TBX10: variants seen among roughly 807,000 people sequenced by gnomAD.
TBX10 encodes the protein T-box transcription factor TBX10.
TBX10 carries 26 observed loss-of-function variants against 32.4 expected under a neutral mutation model. The ratio of observed to expected loss-of-function variants is 0.80; its 90% CI spans 0.59 to 1.11. TBX10 has a LOEUF of 1.11. Ranked by LOEUF, TBX10 falls within the 50% of genes most tolerant of loss-of-function variation. The probability of loss-of-function intolerance (pLI) is 0.00; values close to 1 mark genes in which losing one functional copy is unlikely to be tolerated. For synonymous variants in TBX10, 195 were observed against 203.1 expected, an observed-to-expected ratio of 0.96 and a Z score of 0.34; for missense variants, 490 against 494.5, an observed-to-expected ratio of 0.99 and a Z score of 0.09.
At chr11:67,634,124 G>A in intron 4 of TBX10, 65 bp downstream of exon 4, 2 of 1,599,456 alleles carry the variant, frequency 1.3e-6, no homozygotes, top group South Asian at 1.1e-5. Context: ...AAGGCCATTG[G>A]ACACCAAAGT....
chr11:67,636,073 C>CTTTTTT (rs60139069), intron 1 of TBX10, among the ~76,000 whole-genome samples: 3 of 98,024 alleles, frequency 3.1e-5, no homozygotes, highest in South Asian at 3.8e-4. Flanking sequence ...ATTAGAACTC[C>CTTTTTT]TTTTTTTTTT....
chr11:67,632,241 C>G, intron 7 of TBX10, 77 bp downstream of exon 7: 1 of 1,544,238 alleles, frequency 6.5e-7, no homozygotes, highest in Non-Finnish European at 8.9e-7. Context: ...AAGCCCCTTC[C>G]TGGAGGTCCT....
At position 67,634,860 on chromosome 11, in the gene TBX10, G is replaced by A. The variant is rs766244556; in HGVS notation, c.333C>T (p.Tyr111=). The part of the protein sequence containing the change: ...KILGMDSLAD[Y]ALLMDFIPLD... ...GGGGGATGAAGTCCATGAGCAGGGC[G>A]TAGTCGGCCAGGGAGTCCATGCCCA... Residue 111 remains tyrosine, a synonymous_variant, in exon 3 of 8, where the codon TAC becomes TAT. Coordinates refer to ENST00000335385, the MANE Select transcript of TBX10 (RefSeq NM_005995.5). 1.8e-5 allele frequency: 29 copies of A among 1,613,396 alleles called. No homozygotes were observed. Among genetic ancestry groups the A allele is most frequent in the Middle Eastern group, 1.6e-4 (1 of 6,084 alleles).
chr11:67,632,846 G>A, intron 5 of TBX10, 102 bp downstream of exon 5: 1 of 1,592,354 alleles, frequency 6.3e-7, no homozygotes, highest in South Asian at 1.1e-5. Context: ...GGCAAGTTGG[G>A]AGGGCAGTAG....
Position 67,632,307 on chromosome 11 carries a change from TG to T in TBX10, c.868+10del, listed in dbSNP as rs1253113885. On this transcript the variant is annotated intron_variant, in intron 7 of 7. Transcript: ENST00000335385. ...CTTAGTCCCACTATGTCTGCAGGCC[TG>T]GGGCCTTACCTTTCTCCCTGTCTGT... 6.2e-7 allele frequency: 1 copy of T among 1,613,158 alleles called. No individual in the cohort carries two copies. The highest frequency in any genetic ancestry group is 2.2e-5 in the East Asian group (1 of 44,886).
Position 67,631,411 on chromosome 11 carries a change from T to C in TBX10, c.*194A>G. 4.3e-6 allele frequency: 3 copies of C among 691,460 alleles called. No individual in the cohort carries two copies. Among genetic ancestry groups the C allele is most frequent in the Admixed American group, 5.8e-5 (2 of 34,686 alleles). 42.8% of individuals were successfully genotyped at this position (691,460 alleles called of 1,614,324 possible). The stretch of plus-strand genomic sequence containing the variant: ...TATTCAGGCTGCTGGGGTTGGGAGA[T>C]AGAAGTCCTGGTTCCAAGCTTGCCA... On this transcript the variant is annotated 3_prime_UTR_variant, in exon 8 of 8. Transcript: ENST00000335385.
At position 67,639,518 on chromosome 11, in the gene TBX10, G is replaced by A; in HGVS notation, c.-46C>T. On this transcript the variant is annotated 5_prime_UTR_variant, in exon 1 of 8. Transcript: ENST00000335385. ...GCTCCTGGAGAAACACTGCTTGGCT[G>A]GGGCTGGGAACCTGCCTGCTGGAAG... 1 of 1,612,512 alleles carries A rather than the reference G, an allele frequency of 6.2e-7. No individual in the cohort carries two copies. The highest frequency in any genetic ancestry group is 8.5e-7 in the Non-Finnish European group (1 of 1,179,738).
chr11:67,638,683 G>A (rs562294577), intron 1 of TBX10, among the ~76,000 whole-genome samples: 6 of 152,322 alleles, frequency 3.9e-5, no homozygotes, highest in African/African-American at 1.4e-4. Context: ...TGAGAGCTGC[G>A]TGCAAAGGCC....
At chr11:67,641,480 C>T (rs556837344), upstream of TBX10, among the ~76,000 whole-genome samples, 3 of 152,328 alleles carry the variant, frequency 2.0e-5, no homozygotes, top group East Asian at 3.9e-4. Context: ...CCTGCCTGCC[C>T]GAGGCGCCTG....
Position 67,639,651 on chromosome 11 carries a change from C to T in TBX10, c.-179G>A. ...CTTGCCTCCTCGATCGCCCTTCGTC[C>T]ACGTCCTGAGGTCGTGGTCTTCCTA... On this transcript the variant is annotated 5_prime_UTR_variant, in exon 1 of 8. Transcript: ENST00000335385. 3.8e-6 allele frequency: 3 copies of T among 799,866 alleles called. No homozygotes were observed. Among genetic ancestry groups the T allele is most frequent in the Non-Finnish European group, 6.2e-6 (3 of 481,762 alleles). The allele number at this position is 799,866 out of a possible 1,614,324, so 49.5% of individuals were successfully genotyped here.
chr11:67,635,633 G>T (rs954364815), intron 1 of TBX10, among the ~76,000 whole-genome samples: 1 of 151,294 alleles, frequency 6.6e-6, no homozygotes, highest in African/African-American at 2.4e-5. Flanking sequence ...ATGCACAGGG[G>T]CTGGTGCACA....
Position 67,631,625 on chromosome 11 carries a change from GC to G in TBX10, c.1137del (p.Pro380LeufsTer88). On this transcript the variant is annotated frameshift_variant, in exon 8 of 8. Transcript: ENST00000335385. LOFTEE classifies it high-confidence loss of function. ...GLLSPTVVCLGPGQDSQ is the reference protein window; with the variant it reads ...GLLSPTVVCLXPGQDSQ ...TGGCATCACTGGGAGTCCTGGCCAG[GC>G]CCCAGGCACACCACAGTGGGGGACA... is the stretch of plus-strand genomic sequence containing the variant. 6.2e-7 allele frequency: 1 copy of G among 1,600,794 alleles called. No individual in the cohort carries two copies. Among genetic ancestry groups the G allele is most frequent in the South Asian group, 1.1e-5 (1 of 89,186 alleles).
intron 4 of TBX10, 106 bp downstream of exon 4, chr11:67,634,083 C>A (rs1210234800): frequency 2.0e-6 from 3 of 1,519,444 alleles, no homozygotes; most frequent in East Asian, 4.5e-5. Flanking sequence ...CCTGCCTTGA[C>A]CATCAGCAGC....
chr11:67,635,157 G>A lies in TBX10; in HGVS notation c.114C>T (p.Gly38=), dbSNP rs1287931410. 6.2e-7 allele frequency: 1 copy of A among 1,613,864 alleles called. No homozygotes were observed. Among genetic ancestry groups the A allele is most frequent in the Admixed American group, 1.7e-5 (1 of 60,034 alleles). ...EPRLGSPFPS[G]PCTSSTGAQA... is the part of the protein sequence containing the mutation. ...GGGCCCCAGTAGAGCTGGTGCAAGG[G>A]CCTGATGGGAATGGTGACCCCAGCC... Residue 38 remains glycine, a synonymous_variant, in exon 2 of 8, where the codon GGC becomes GGT. Transcript: ENST00000335385.
intron 1 of TBX10, among the ~76,000 whole-genome samples, chr11:67,638,925 G>A (rs566599885): frequency 5.9e-5 from 9 of 152,264 alleles, no homozygotes; most frequent in African/African-American, 1.9e-4. Context: ...AAGGTGGGGG[G>A]GCTCATGATT....
At position 67,639,641 on chromosome 11, in the gene TBX10, G is replaced by A. The variant is rs1034841752; in HGVS notation, c.-169C>T. 83 of 866,870 alleles carry A rather than the reference G, an allele frequency of 9.6e-5. No individual in the cohort carries two copies. The Middle Eastern group carries it at 1.8e-3, about 18-fold the overall frequency. The allele number at this position is 866,870 out of a possible 1,614,324, so 53.7% of individuals were successfully genotyped here. A position where few individuals can be genotyped will look rare whatever the true frequency, so the allele number is the denominator to read the frequency against. On this transcript the variant is annotated 5_prime_UTR_variant, in exon 1 of 8. Coordinates refer to ENST00000335385, the MANE Select transcript of TBX10 (RefSeq NM_005995.5). ...CAGGACGGTCCTTGCCTCCTCGATC[G>A]CCCTTCGTCCACGTCCTGAGGTCGT...
At chr11:67,632,002 C>T in intron 7 of TBX10, 108 bp from the exon 8 acceptor site, 6 of 1,448,070 alleles carry the variant, frequency 4.1e-6, no homozygotes, top group Non-Finnish European at 2.8e-6. Flanking sequence ...ACCTACCTCT[C>T]AGCCTTCGCC....
rs1855292985 is a variant in TBX10 at position 67,634,467 on chromosome 11, C to A, written c.378-107G>T. 21 of 1,330,584 alleles carry A rather than the reference C, an allele frequency of 1.6e-5. No individual in the cohort carries two copies. The South Asian group carries it at 2.5e-4, about 16-fold the overall frequency. 82.4% of individuals were successfully genotyped at this position (1,330,584 alleles called of 1,614,324 possible). On this transcript the variant is annotated intron_variant, in intron 3 of 7. Transcript: ENST00000335385. Reference sequence around the variant, plus strand: ...CCGACTCCAACACTGCTCACCCCACCTGGTGGGCACCTTGCTAAGGAACCC... The same window carrying A: ...CCGACTCCAACACTGCTCACCCCACATGGTGGGCACCTTGCTAAGGAACCC...
chr11:67,636,521 A>G (rs56876297), intron 1 of TBX10, among the ~76,000 whole-genome samples: 2 of 67,354 alleles, frequency 3.0e-5, no homozygotes, highest in Admixed American at 2.8e-4. Context: ...TTATTTATTT[A>G]TTTTTTTCCA....
Sources: allele counts gnomAD v4.1 joint callset (sites outside exome capture counted in the v4.1 genomes callset), GRCh38; gene constraint gnomAD v4.1.1; transcripts MANE v1.5; gene names NCBI Gene and HGNC (gene_info 2026-07-23, HGNC 2026-07-21).